Variants in C7orf57 observed in about 807,000 individuals in gnomAD.
The protein encoded by C7orf57 is chromosome 7 open reading frame 57.
In C7orf57, 33 loss-of-function variants were observed where a neutral mutation model predicts 39.0. The observed-to-expected ratio is 0.85, with a 90% CI of 0.64 to 1.13. The LOEUF is 1.13. Ranked by LOEUF, C7orf57 falls within the 50% of genes most tolerant of loss-of-function variation. The pLI is 0.00. For missense variants in C7orf57, 346 were observed against 362.3 expected, an observed-to-expected ratio of 0.95 and a Z score of 0.37; for synonymous variants, 124 against 137.1, an observed-to-expected ratio of 0.90 and a Z score of 0.67.
chr7:48,040,410 GC>G (rs889152939), intron 2 of C7orf57, among the ~76,000 whole-genome samples: 1 of 152,164 alleles, frequency 6.6e-6, no homozygotes, highest in Non-Finnish European at 1.5e-5. Flanking sequence ...TCTCAAGGGA[GC>G]CACACCCAGT....
chr7:48,036,383 G>T lies in C7orf57; in HGVS notation c.55+20G>T. 6.4e-7 allele frequency: 1 copy of T among 1,556,258 alleles called. No individual in the cohort carries two copies. Among genetic ancestry groups the T allele is most frequent in the Middle Eastern group, 1.7e-4 (1 of 5,906 alleles). On this transcript the variant is annotated intron_variant, in intron 2 of 8. Transcript: ENST00000348904. ...CCTGCGGTGAGTGCGCCCTGAGCGCGTCCCGGCCAGAAAGAGCTGGGTGCG... is the reference window on the plus strand; with the variant it reads ...CCTGCGGTGAGTGCGCCCTGAGCGCTTCCCGGCCAGAAAGAGCTGGGTGCG...
intron 5 of C7orf57, among the ~76,000 whole-genome samples, chr7:48,046,951 G>T (rs1790735637): frequency 6.6e-6 from 1 of 152,106 alleles, no homozygotes; most frequent in Non-Finnish European, 1.5e-5. Context: ...TCCCATTTCT[G>T]AATATTTTCA....
At chr7:48,051,809 T>TCCTTCCTTTTCTCTTCTC (rs1554299741) in intron 6 of C7orf57, among the ~76,000 whole-genome samples, 9 of 83,782 alleles carry the variant, frequency 1.1e-4, no homozygotes, top group African/African-American at 4.1e-4. Flanking sequence ...CTTCCTTCCT[T>TCCTTCCTTTTCTCTTCTC]TTCTCTTCTC....
At chr7:48,041,618 C>T in intron 3 of C7orf57, 99 bp downstream of exon 3, 1 of 1,038,476 alleles carries the variant, frequency 9.6e-7, no homozygotes, top group Non-Finnish European at 1.4e-6. Flanking sequence ...ACTACAGAGT[C>T]TGTATGTTTA....
rs148241326 is a variant in C7orf57 at position 48,052,060 on chromosome 7, G to A, written c.606-640G>A. Among the ~76,000 whole-genome samples the A allele has an allele frequency of 2.5e-3, 367 of 149,150 alleles. 1 individual carries two copies. The highest frequency in any genetic ancestry group is 8.7e-3 in the African/African-American group (351 of 40,544). ...ACGATCTTGGCTCACTGCAACCTCC[G>A]CCTCCCAAGTTCAAGCAATTCTCCT... On this transcript the variant is annotated intron_variant, in intron 6 of 8. Coordinates refer to ENST00000348904, the MANE Select transcript of C7orf57 (RefSeq NM_001100159.3).
At chr7:48,058,740 C>CAGAAGA (rs1214020986) in intron 8 of C7orf57, among the ~76,000 whole-genome samples, 1 of 152,160 alleles carries the variant, frequency 6.6e-6, no homozygotes, top group Non-Finnish European at 1.5e-5. Flanking sequence ...ACAGCAGGTA[C>CAGAAGA]AGAAGATCAC....
At chr7:48,037,689 CAA>C (rs1356637168) in intron 2 of C7orf57, among the ~76,000 whole-genome samples, 4 of 151,936 alleles carry the variant, frequency 2.6e-5, no homozygotes, top group Admixed American at 2.0e-4. Flanking sequence ...TGATATTGTA[CAA>C]GTGCCAACAA....
intron 8 of C7orf57, among the ~76,000 whole-genome samples, chr7:48,055,745 A>T (rs1319184755): frequency 1.3e-5 from 2 of 152,120 alleles, no homozygotes; most frequent in Non-Finnish European, 2.9e-5. Flanking sequence ...GGCTTATTTT[A>T]CTTAGACTAA....
chr7:48,053,267 G>C (rs1275573287), intron 7 of C7orf57, among the ~76,000 whole-genome samples: 1 of 152,078 alleles, frequency 6.6e-6, no homozygotes, highest in African/African-American at 2.4e-5. Context: ...GACCCTAAAA[G>C]GACTTTTGCA....
intron 2 of C7orf57, among the ~76,000 whole-genome samples, chr7:48,037,204 C>T (rs944251370): frequency 1.3e-5 from 2 of 152,090 alleles, no homozygotes; most frequent in Non-Finnish European, 2.9e-5. Flanking sequence ...GGCTGATTTG[C>T]CTTTTCCCAG....
At chr7:48,059,814 G>A (rs1363605371) in intron 8 of C7orf57, among the ~76,000 whole-genome samples, 1 of 152,206 alleles carries the variant, frequency 6.6e-6, no homozygotes, top group Non-Finnish European at 1.5e-5. Flanking sequence ...CATTAATGAA[G>A]ATTGCAACAG....
chr7:48,053,552 A>G (rs533512962), intron 7 of C7orf57, among the ~76,000 whole-genome samples: 1 of 152,144 alleles, frequency 6.6e-6, no homozygotes, highest in Admixed American at 6.6e-5. Context: ...CCTGGGCTCA[A>G]GCGATCCTCC....
In C7orf57 at chr7:48,035,773, G is replaced by A. The variant is rs542268346; in HGVS notation, c.-102+143G>A. 1.7e-6 allele frequency: 1 copy of A among 584,336 alleles called. No individual in the cohort carries two copies. Among genetic ancestry groups the A allele is most frequent in the African/African-American group, 1.9e-5 (1 of 51,524 alleles). The allele number at this position is 584,336 out of a possible 1,614,324, so 36.2% of individuals were successfully genotyped here. A position where few individuals can be genotyped will look rare whatever the true frequency, so the allele number is the denominator to read the frequency against. On this transcript the variant is annotated intron_variant, in intron 1 of 8. Transcript: ENST00000348904. This position sits in a 1 kb window ranked among gnomAD's most constrained non-coding sequence, Gnocchi z 4.0. The stretch of plus-strand genomic sequence containing the variant: ...TTGTCGCCGGGTTGGGATGAGCACA[G>A]GGCGGGATCTCCAAGCCTGCCCAAG...
chr7:48,052,739 A>G lies in C7orf57; in HGVS notation c.645A>G (p.Lys215=), dbSNP rs568791624. ...QKNSSPTNFS[K]LISNGYKDEW... is the part of the protein sequence containing the mutation. ...ACAGTTCACCTACCAATTTTTCCAA[A>G]CTCATTAGCAATGGTTATAAGGATG... The change falls in exon 7 of 9, where the codon AAA becomes AAG. Residue 215 remains lysine (K), a synonymous_variant. Transcript: ENST00000348904. 1.3e-5 allele frequency: 21 copies of G among 1,613,830 alleles called. No homozygotes were observed. In the African/African-American group the frequency reaches 1.9e-4, roughly 14 times the overall value.
Position 48,046,587 on chromosome 7 carries a change from G to A in C7orf57, c.478G>A (p.Ala160Thr). ...FDMKTVWQREAEELEKEKKKL... is the reference protein window; with the variant it reads ...FDMKTVWQRETEELEKEKKKL... ...CATGAAAACAGTTTGGCAAAGAGAG[G>A]CTGAGGAACTTGAAAAGGAGAAAAA... is the stretch of plus-strand genomic sequence containing the variant. Residue 160 changes from alanine (A) to threonine (T), a missense_variant, in exon 5 of 9, where the codon GCT becomes ACT. Ala to Thr is a moderately conservative substitution (Grantham distance 58). Coordinates refer to ENST00000348904, the MANE Select transcript of C7orf57 (RefSeq NM_001100159.3). The A allele has an allele frequency of 6.2e-7, 1 of 1,613,616 alleles. No homozygotes were observed. The highest frequency in any genetic ancestry group is 8.5e-7 in the Non-Finnish European group (1 of 1,179,724).
At chr7:48,054,913 G>A (rs1241736699) in intron 8 of C7orf57, among the ~76,000 whole-genome samples, 2 of 151,856 alleles carry the variant, frequency 1.3e-5, no homozygotes, top group Non-Finnish European at 2.9e-5. Context: ...GTCTCGCTCT[G>A]TCGCCCAGGC....
intron 2 of C7orf57, among the ~76,000 whole-genome samples, chr7:48,036,805 T>C (rs1230084348): frequency 6.6e-6 from 1 of 152,172 alleles, no homozygotes; most frequent in Non-Finnish European, 1.5e-5. Flanking sequence ...AAGTTAAATA[T>C]ACATTCTGGG....
At chr7:48,043,630 A>G in intron 4 of C7orf57, 41 bp downstream of exon 4, 3 of 1,512,662 alleles carry the variant, frequency 2.0e-6, no homozygotes, top group Non-Finnish European at 2.7e-6. Flanking sequence ...TTATCTTTAC[A>G]GGAAAAAAAT....
At chr7:48,056,030 A>G (rs1791106800) in intron 8 of C7orf57, among the ~76,000 whole-genome samples, 1 of 152,144 alleles carries the variant, frequency 6.6e-6, no homozygotes, top group African/African-American at 2.4e-5. Flanking sequence ...TTAGTTTTTT[A>G]AGGAAACTCC....
Sources: gnomAD v4.1 joint callset for allele counts (sites outside exome capture counted in the v4.1 genomes callset) on GRCh38, gnomAD v4.1.1 for gene constraint, Gnocchi (gnomAD v3.1) non-coding constraint, MANE v1.5 for transcripts, NCBI Gene and HGNC (gene_info 2026-07-23, HGNC 2026-07-21) for gene names.